HS3ST4: variants seen among roughly 807,000 people sequenced by gnomAD.
HS3ST4 encodes heparan sulfate glucosamine 3-O-sulfotransferase 4.
A neutral mutation model predicts 29.2 loss-of-function variants in HS3ST4; 17 were observed. The ratio of observed to expected loss-of-function variants is 0.58; its 90% CI spans 0.40 to 0.87. HS3ST4 has a LOEUF of 0.87. HS3ST4 is among the 40% of genes least tolerant of loss of function. The probability of loss-of-function intolerance (pLI) is 0.00; values close to 1 mark genes in which losing one functional copy is unlikely to be tolerated. For missense variants in HS3ST4, 627 were observed against 634.5 expected (o/e 0.99, Z 0.13); for synonymous variants, 314 against 285.7 (o/e 1.10, Z -1.00).
At chr16:25,784,476 A>G (rs12444165) in intron 1 of HS3ST4, among the ~76,000 whole-genome samples, 35,016 of 152,166 alleles carry the variant, frequency 0.23, 4,461 homozygotes, top group Non-Finnish European at 0.3. Flanking sequence ...TAAAAGTTCC[A>G]CTCCAGTGAA....
At chr16:25,873,524 G>C (rs149321096) in intron 1 of HS3ST4, among the ~76,000 whole-genome samples, 3 of 128,604 alleles carry the variant, frequency 2.3e-5, no homozygotes, top group Non-Finnish European at 3.3e-5. Context: ...CTATCTATCT[G>C]TCTATCTATC....
At chr16:25,912,655 A>G (rs1481424064) in intron 1 of HS3ST4, among the ~76,000 whole-genome samples, 1 of 152,172 alleles carries the variant, frequency 6.6e-6, no homozygotes, top group African/African-American at 2.4e-5. Flanking sequence ...CTTACATAGT[A>G]AGCTCTAGTG....
chr16:25,797,001 G>T lies in HS3ST4; in HGVS notation c.734+103850G>T, dbSNP rs75978760. On this transcript the variant is annotated intron_variant, in intron 1 of 1. Coordinates refer to ENST00000331351, the MANE Select transcript of HS3ST4 (RefSeq NM_006040.3). The stretch of plus-strand genomic sequence containing the variant: ...TCGGGTTTCAGCCAGTCTTAATTCC[G>T]GTCCAGAGAGAAGTCCTCCTGCCCT... 3.3e-5 allele frequency among the ~76,000 whole-genome samples: 5 copies of T among 152,168 alleles called. No homozygotes were observed. The East Asian group carries it at 9.7e-4, about 29-fold the overall frequency.
At chr16:26,021,194 T>C (rs910955459) in intron 1 of HS3ST4, among the ~76,000 whole-genome samples, 2 of 152,222 alleles carry the variant, frequency 1.3e-5, no homozygotes, top group African/African-American at 4.8e-5. Context: ...GGCAGATTTA[T>C]TTTATGTGGT....
chr16:25,892,217 C>A (rs926566808), intron 1 of HS3ST4, among the ~76,000 whole-genome samples: 1 of 152,222 alleles, frequency 6.6e-6, no homozygotes, highest in Admixed American at 6.5e-5. Context: ...GGGGTCAGAG[C>A]TGATCCCAGA....
intron 1 of HS3ST4, among the ~76,000 whole-genome samples, chr16:25,904,054 G>A (rs1038368237): frequency 2.6e-5 from 4 of 152,102 alleles, no homozygotes; most frequent in African/African-American, 9.7e-5. Context: ...ATGAAACGAT[G>A]GATGGATGAC....
chr16:25,972,959 A>G (rs778014949), intron 1 of HS3ST4, among the ~76,000 whole-genome samples: 1 of 152,190 alleles, frequency 6.6e-6, no homozygotes, highest in Non-Finnish European at 1.5e-5. Flanking sequence ...GCAAATATTT[A>G]TTGAGTTTCC....
chr16:25,971,949 A>G (rs1968903064), intron 1 of HS3ST4, among the ~76,000 whole-genome samples: 1 of 152,074 alleles, frequency 6.6e-6, no homozygotes, highest in African/African-American at 2.4e-5. Context: ...AAGAAAGAAA[A>G]AAAAGAGTCG....
At chr16:25,701,579 C>T (rs1300865671) in intron 1 of HS3ST4, among the ~76,000 whole-genome samples, 2 of 152,154 alleles carry the variant, frequency 1.3e-5, no homozygotes, top group Non-Finnish European at 2.9e-5. Context: ...CTCTAATCCA[C>T]TGGAGGGATT....
At chr16:26,046,709 A>ATG (rs1898272690) in intron 1 of HS3ST4, among the ~76,000 whole-genome samples, 1 of 151,226 alleles carries the variant, frequency 6.6e-6, no homozygotes, top group Non-Finnish European at 1.5e-5. Flanking sequence ...ATATGTATAT[A>ATG]TGTGTATATA....
intron 1 of HS3ST4, among the ~76,000 whole-genome samples, chr16:26,098,744 GAC>G (rs1292243984): frequency 1.3e-5 from 2 of 151,726 alleles, no homozygotes; most frequent in African/African-American, 4.8e-5. Flanking sequence ...AAAAAAAAAA[GAC>G]AGACTTAAGG....
intron 1 of HS3ST4, among the ~76,000 whole-genome samples, chr16:25,752,813 T>C (rs1966730725): frequency 6.6e-6 from 1 of 152,258 alleles, no homozygotes; most frequent in African/African-American, 2.4e-5. Context: ...CCAGCTAGTC[T>C]TCAACTGCCT....
intron 1 of HS3ST4, among the ~76,000 whole-genome samples, chr16:25,893,435 T>C (rs1268701517): frequency 1.3e-5 from 2 of 152,170 alleles, no homozygotes; most frequent in African/African-American, 4.8e-5. Context: ...CTGGTCAGCC[T>C]TAAGCCACAT....
At chr16:25,766,187 T>C (rs1450810015) in intron 1 of HS3ST4, among the ~76,000 whole-genome samples, 1 of 151,978 alleles carries the variant, frequency 6.6e-6, no homozygotes, top group Non-Finnish European at 1.5e-5. Flanking sequence ...CAGTGTCTTA[T>C]GCTGTGAACT....
chr16:25,894,733 G>C (rs1328582553), intron 1 of HS3ST4, among the ~76,000 whole-genome samples: 1 of 151,788 alleles, frequency 6.6e-6, no homozygotes, highest in Non-Finnish European at 1.5e-5. Context: ...CTCGAACTCC[G>C]GACCTCAGGT....
chr16:26,133,748 G>A (rs1898242719), intron 1 of HS3ST4, among the ~76,000 whole-genome samples: 1 of 152,202 alleles, frequency 6.6e-6, no homozygotes, highest in Non-Finnish European at 1.5e-5. Flanking sequence ...CCACACACGC[G>A]ATAGTAAATA....
At chr16:26,050,902 A>G (rs547215037) in intron 1 of HS3ST4, among the ~76,000 whole-genome samples, 1 of 152,216 alleles carries the variant, frequency 6.6e-6, no homozygotes, top group Non-Finnish European at 1.5e-5. Flanking sequence ...GCTTCTACTC[A>G]GAAGGCCTAA....
intron 1 of HS3ST4, among the ~76,000 whole-genome samples, chr16:26,012,341 A>G (rs1245816421): frequency 6.6e-6 from 1 of 152,242 alleles, no homozygotes; most frequent in South Asian, 2.1e-4. Flanking sequence ...CCCTCAATCA[A>G]TCAGCCAAAT....
At chr16:25,749,103 C>G (rs1255839851) in intron 1 of HS3ST4, among the ~76,000 whole-genome samples, 1 of 152,188 alleles carries the variant, frequency 6.6e-6, no homozygotes, top group African/African-American at 2.4e-5. Flanking sequence ...ATAACAATAA[C>G]AGCAGCAGCA....
Sources: allele counts gnomAD v4.1 joint callset (sites outside exome capture counted in the v4.1 genomes callset), GRCh38; gene constraint gnomAD v4.1.1; transcripts MANE v1.5; gene names NCBI Gene and HGNC (gene_info 2026-07-23, HGNC 2026-07-21).